Variants in CAPN11 observed in about 807,000 individuals in gnomAD.
CAPN11 encodes the protein calpain 11.
CAPN11 carries 108 observed loss-of-function variants against 105.3 expected under a neutral mutation model. The observed-to-expected ratio is 1.03, with a 90% confidence interval of 0.88 to 1.20. CAPN11 has a LOEUF of 1.20. CAPN11 is among the 50% of genes most tolerant of loss of function. The pLI, the probability that CAPN11 is intolerant of heterozygous loss-of-function variation, is 0.00. For synonymous variants in CAPN11, 329 were observed against 344.5 expected, an observed-to-expected ratio of 0.96 and a Z score of 0.50; for missense variants, 883 against 924.8, an observed-to-expected ratio of 0.95 and a Z score of 0.59.
intron 1 of CAPN11, among the ~76,000 whole-genome samples, chr6:44,165,780 T>TG (rs1769718143): frequency 6.6e-6 from 1 of 152,096 alleles, no homozygotes; most frequent in African/African-American, 2.4e-5. Flanking sequence ...GAGGGGGCTC[T>TG]GGGGGCTGGC....
At chr6:44,175,706 G>A (rs551561282) in intron 7 of CAPN11, among the ~76,000 whole-genome samples, 103 of 150,990 alleles carry the variant, frequency 6.8e-4, no homozygotes, top group African/African-American at 2.4e-3. Flanking sequence ...GAACCTGCGA[G>A]GCAGAGGTTG....
At chr6:44,160,490 G>A (rs1221120280) in intron 1 of CAPN11, among the ~76,000 whole-genome samples, 5 of 151,982 alleles carry the variant, frequency 3.3e-5, no homozygotes, top group African/African-American at 9.7e-5. Flanking sequence ...GGTGGCGGGC[G>A]CCTGTAGTCC....
intron 1 of CAPN11, among the ~76,000 whole-genome samples, chr6:44,165,615 G>C (rs926575002): frequency 6.6e-6 from 1 of 152,176 alleles, no homozygotes; most frequent in Non-Finnish European, 1.5e-5. Flanking sequence ...GGAGGGAAGG[G>C]GAGGATGAGG....
chr6:44,175,951 T>G, intron 7 of CAPN11, 117 bp from the exon 8 acceptor site: 1 of 632,386 alleles, frequency 1.6e-6, no homozygotes, highest in Non-Finnish European at 2.9e-6. Context: ...GATAATAATT[T>G]AAAAGTTTAG....
At chr6:44,172,886 G>T in intron 5 of CAPN11, 54 bp from the exon 6 acceptor site, 1 of 1,588,972 alleles carries the variant, frequency 6.3e-7, no homozygotes, top group Non-Finnish European at 8.6e-7. Flanking sequence ...TGGCCACTAG[G>T]AGGCGCTTGA....
rs779116608 is a variant in CAPN11, at chr6:44,176,673, T to C, written c.1076+18T>C. The C allele has an allele frequency of 7.6e-6, 12 of 1,574,826 alleles. No individual in the cohort carries two copies. Among genetic ancestry groups the C allele is most frequent in the African/African-American group, 1.3e-5 (1 of 74,218 alleles). The stretch of plus-strand genomic sequence containing the variant: ...GAGTTCTGGTCAGTGTGGCTTGGGG[T>C]GGGCTTCTTACCACCACCCTAGGCC... On this transcript the variant is annotated intron_variant, in intron 10 of 22. Transcript: ENST00000398776.
intron 12 of CAPN11, among the ~76,000 whole-genome samples, chr6:44,179,075 C>T (rs1156598363): frequency 1.3e-5 from 2 of 152,144 alleles, no homozygotes; most frequent in Non-Finnish European, 2.9e-5. Context: ...ACTTATTTGT[C>T]CTCGATCCTC....
At chr6:44,168,986 C>G in intron 2 of CAPN11, 1 of 479,426 alleles carries the variant, frequency 2.1e-6, no homozygotes, top group Non-Finnish European at 4.1e-6. Flanking sequence ...GCCATCACAT[C>G]TCATTGCAGC....
At chr6:44,159,668 A>G (rs1768347732) in intron 1 of CAPN11, among the ~76,000 whole-genome samples, 3 of 152,196 alleles carry the variant, frequency 2.0e-5, no homozygotes, top group Admixed American at 1.3e-4. Context: ...CAGCCTGGTC[A>G]GCATAGCAAG....
intron 3 of CAPN11, 48 bp downstream of exon 3, chr6:44,169,579 T>C (rs1216954631): frequency 3.4e-6 from 5 of 1,477,084 alleles, no homozygotes; most frequent in Non-Finnish European, 3.6e-6. Flanking sequence ...AGGGAGCTTG[T>C]AGTGATCCCT....
rs1198559339 is a variant in CAPN11, at chr6:44,166,832, A to G, written c.88+3A>G. ...TAAGCCTCGGGGCTCATGTGCGGGT[A>G]GGACTGCAGACCCGTCGTGGCTCTG... On this transcript the variant is annotated splice_donor_region_variant and intron_variant, in intron 2 of 22. Transcript: ENST00000398776. 5 of 1,543,084 alleles carry G rather than the reference A, an allele frequency of 3.2e-6. No individual in the cohort carries two copies. In the East Asian group the frequency reaches 7.4e-5, roughly 23 times the overall value.
At chr6:44,176,752 T>G in intron 10 of CAPN11, 86 bp from the exon 11 acceptor site, 1 of 1,577,114 alleles carries the variant, frequency 6.3e-7, no homozygotes, top group Non-Finnish European at 8.6e-7. Context: ...TGGGGAGGCT[T>G]GGGGTGGTTG....
At chr6:44,168,281 C>A (rs539501359) in intron 2 of CAPN11, among the ~76,000 whole-genome samples, 1 of 151,254 alleles carries the variant, frequency 6.6e-6, no homozygotes, top group African/African-American at 2.4e-5. Context: ...CTCTTTTTTT[C>A]TTTTTTGAGA....
chr6:44,182,999 G>T lies in CAPN11; in HGVS notation c.1997G>T (p.Arg666Leu), dbSNP rs769234047. The change falls in exon 20 of 23, where the codon CGC becomes CTC. Residue 666 changes from arginine (R) to leucine (L), a missense_variant. By Grantham distance (102) the Arg-to-Leu change is moderately radical (BLOSUM62 -2). Transcript: ENST00000398776. ...GGCACCTTGAACTCCTATGAGATGC[G>T]CCTGGTTATTGAGAAAGCAGGTGGC... Reference protein sequence around the residue: ...HSGTLNSYEMRLVIEKAGIKL... With the variant: ...HSGTLNSYEMLLVIEKAGIKL... 60 of 1,612,106 alleles carry T rather than the reference G, an allele frequency of 3.7e-5. No individual in the cohort carries two copies. Among genetic ancestry groups the T allele is most frequent in the Non-Finnish European group, 4.9e-5 (58 of 1,178,970 alleles).
At position 44,166,083 on chromosome 6, in the gene CAPN11, G is replaced by C. The variant is rs1209306731; in HGVS notation, c.17-675G>C. Among the ~76,000 whole-genome samples the C allele has an allele frequency of 2.6e-5, 4 of 152,102 alleles. No individual in the cohort carries two copies. The East Asian group carries it at 7.7e-4, about 29-fold the overall frequency. On this transcript the variant is annotated intron_variant, in intron 1 of 22. Transcript: ENST00000398776. ...GTGTGTTGGGATCTTGGGGGACCAGGAGAACAGGGGTTCATTATAGGACCT... is the reference window on the plus strand; with the variant it reads ...GTGTGTTGGGATCTTGGGGGACCAGCAGAACAGGGGTTCATTATAGGACCT...
At chr6:44,181,881 T>A (rs1194640377) in intron 19 of CAPN11, among the ~76,000 whole-genome samples, 1 of 23,098 alleles carries the variant, frequency 4.3e-5, no homozygotes, top group Non-Finnish European at 1.1e-4. Context: ...ACATACACAC[T>A]CACATACAGA....
At chr6:44,180,228 G>T (rs1772894945) in intron 14 of CAPN11, 65 bp downstream of exon 14, 1 of 1,243,832 alleles carries the variant, frequency 8.0e-7, no homozygotes, top group East Asian at 2.5e-5. Context: ...TCAAGCTCAG[G>T]GAGCTGCTGT....
rs769828683 is a variant in CAPN11, at chr6:44,176,939, C to A, written c.1178C>A (p.Thr393Asn). ...SGDYKSYWHT[T>N]FYEGSWRRGS... is the part of the protein sequence containing the mutation. ...GACTACAAGAGCTACTGGCACACCA[C>A]CTTCTACGAGGGCAGCTGGCGCAGA... The change falls in exon 11 of 23, where the codon ACC becomes AAC. Residue 393 changes from threonine (T) to asparagine (N), a missense_variant. Physicochemically the swap from Thr to Asn is moderately conservative, Grantham distance 65 (BLOSUM62 0). Coordinates refer to ENST00000398776, the MANE Select transcript of CAPN11 (RefSeq NM_007058.4). The A allele has an allele frequency of 6.2e-7, 1 of 1,613,968 alleles. No individual in the cohort carries two copies. Among genetic ancestry groups the A allele is most frequent in the South Asian group, 1.1e-5 (1 of 91,086 alleles).
intron 13 of CAPN11, 58 bp from the exon 14 acceptor site, chr6:44,179,894 G>A (rs535658763): frequency 2.2e-6 from 3 of 1,376,942 alleles, no homozygotes; most frequent in Admixed American, 3.4e-5. Flanking sequence ...CACCCTGGGG[G>A]ACCCTCCCTC....
Sources: gnomAD v4.1 joint callset for allele counts (sites outside exome capture counted in the v4.1 genomes callset) on GRCh38, gnomAD v4.1.1 for gene constraint, MANE v1.5 for transcripts, NCBI Gene and HGNC (gene_info 2026-07-23, HGNC 2026-07-21) for gene names.